ADAM20: variants seen among roughly 807,000 people sequenced by gnomAD.
ADAM20 encodes the protein disintegrin and metalloproteinase domain-containing protein 20.
For synonymous variants in ADAM20, 305 were observed against 310.2 expected (o/e 0.98, Z 0.18); for missense variants, 871 against 883.2 (o/e 0.99, Z 0.18).
At chr14:70,566,693 C>T in the ADAM20 span, among the ~76,000 whole-genome samples, 2 of 151,994 alleles carry the variant, frequency 1.3e-5, no homozygotes, top group African/African-American at 4.8e-5. Context: ...AAAAAGTAGG[C>T]GGGAGGCCGG....
upstream of ADAM20, among the ~76,000 whole-genome samples, chr14:70,536,402 G>A (rs137918758): frequency 8.9e-3 from 1,231 of 138,800 alleles, 20 homozygotes; most frequent in African/African-American, 0.031. Context: ...GGAGGCAGAG[G>A]TTGCGGTGAG....
chr14:70,539,884 T>C (rs1299494890), upstream of ADAM20, among the ~76,000 whole-genome samples: 7 of 152,198 alleles, frequency 4.6e-5, no homozygotes, highest in Non-Finnish European at 8.8e-5. Context: ...ATTCAGTGCA[T>C]TGGCAGCACC....
chr14:70,530,478 CATT>C (rs1310631103), intron 1 of ADAM20, among the ~76,000 whole-genome samples: 3 of 152,134 alleles, frequency 2.0e-5, no homozygotes, highest in African/African-American at 7.2e-5. Context: ...CTTTTATCAT[CATT>C]ATCAACTTTA....
Position 70,523,978 on chromosome 14 carries a change from C to A in ADAM20, c.780G>T (p.Trp260Cys), listed in dbSNP as rs374245271. 9.9e-6 allele frequency: 16 copies of A among 1,613,916 alleles called. No homozygotes were observed. Among genetic ancestry groups the A allele is most frequent in the Non-Finnish European group, 1.4e-5 (16 of 1,179,928 alleles). The change falls in exon 2 of 2, where the codon TGG becomes TGT. Residue 260 changes from tryptophan (W) to cysteine (C), a missense_variant. Physicochemically the swap from Trp to Cys is radical, Grantham distance 215. Coordinates refer to ENST00000256389, the MANE Select transcript of ADAM20 (RefSeq NM_003814.5). Reference protein sequence around the residue: ...VDVILTGIDIWTASNPLPTSG... With the variant: ...VDVILTGIDICTASNPLPTSG... Reference sequence around the variant, plus strand: ...TGGTAGGAAGTGGATTTGATGCAGTCCATATATCAATTCCAGTCAAAATTA... The same window carrying A: ...TGGTAGGAAGTGGATTTGATGCAGTACATATATCAATTCCAGTCAAAATTA...
rs779428789 is a variant in ADAM20, at chr14:70,522,731, G to A, written c.2027C>T (p.Pro676Leu). ...KGYGGSADSG[P>L]PPKNNMEGLN... ...TCCTTCCATGTTGTTCTTAGGAGGT[G>A]GGCCACTATCAGCACTACCTCCATA... Residue 676 changes from proline (P) to leucine (L), a missense_variant, in exon 2 of 2, where the codon CCA becomes CTA. Pro to Leu is a moderately conservative substitution (Grantham distance 98). Transcript: ENST00000256389. 2 of 1,613,986 alleles carry A rather than the reference G, an allele frequency of 1.2e-6. No homozygotes were observed. The highest frequency in any genetic ancestry group is 3.3e-5 in the Admixed American group (2 of 59,994).
the ADAM20 span, among the ~76,000 whole-genome samples, chr14:70,560,759 C>T: frequency 2.0e-5 from 3 of 152,162 alleles, no homozygotes; most frequent in Non-Finnish European, 2.9e-5. Context: ...AAAGTGCTTG[C>T]TTCCCCTTCA....
the ADAM20 span, among the ~76,000 whole-genome samples, chr14:70,568,478 G>C: frequency 2.6e-5 from 4 of 152,188 alleles, no homozygotes; most frequent in Non-Finnish European, 5.9e-5. Context: ...AAAAAGCCAG[G>C]ATGTCCTGAC....
At chr14:70,559,278 GAA>G in the ADAM20 span, among the ~76,000 whole-genome samples, 1 of 133,302 alleles carries the variant, frequency 7.5e-6, no homozygotes, top group Non-Finnish European at 1.6e-5. Context: ...AAGTTGCCTA[GAA>G]AAAAAAAAAA....
chr14:70,543,055 TGG>T, the ADAM20 span, among the ~76,000 whole-genome samples: 1 of 152,140 alleles, frequency 6.6e-6, no homozygotes, highest in East Asian at 1.9e-4. Flanking sequence ...TTAATAAAAA[TGG>T]GAAACTGGAG....
At chr14:70,535,375 C>T (rs1883810935), upstream of ADAM20, among the ~76,000 whole-genome samples, 1 of 152,114 alleles carries the variant, frequency 6.6e-6, no homozygotes, top group African/African-American at 2.4e-5. Context: ...AAGTTGAATA[C>T]ATAGATACGT....
the ADAM20 span, among the ~76,000 whole-genome samples, chr14:70,541,731 T>G: frequency 6.6e-6 from 1 of 152,206 alleles, no homozygotes; most frequent in African/African-American, 2.4e-5. Flanking sequence ...TATAAATATG[T>G]TATTGGTATG....
chr14:70,526,182 G>A (rs1220952822), intron 1 of ADAM20, among the ~76,000 whole-genome samples: 10 of 152,310 alleles, frequency 6.6e-5, no homozygotes, highest in Non-Finnish European at 8.8e-5. Context: ...ACTTAAAAAT[G>A]TTGTTAATGA....
At chr14:70,568,986 C>T in the ADAM20 span, among the ~76,000 whole-genome samples, 1 of 152,014 alleles carries the variant, frequency 6.6e-6, no homozygotes. Context: ...CACAACCGTT[C>T]CCAAGGTTAA....
upstream of ADAM20, among the ~76,000 whole-genome samples, chr14:70,537,398 G>T (rs117493834): frequency 1.2e-3 from 188 of 152,246 alleles, 2 homozygotes; most frequent in East Asian, 0.019. Context: ...CAGTCCAAGA[G>T]GCCCTTTGCT....
the ADAM20 span, among the ~76,000 whole-genome samples, chr14:70,563,133 T>A: frequency 6.6e-6 from 1 of 152,114 alleles, no homozygotes; most frequent in East Asian, 1.9e-4. Context: ...ACTGCTTGAG[T>A]CACATGACCA....
Position 70,524,191 on chromosome 14 carries a change from T to G in ADAM20, c.567A>C (p.Ser189=). ...KIAHQMELQL[S]YNFTLKQSSF... ...AACTTTGCTTCAGAGTGAAATTATATGACAATTGCAACTCCATCTGGTGTG... is the reference window on the plus strand; with the variant it reads ...AACTTTGCTTCAGAGTGAAATTATAGGACAATTGCAACTCCATCTGGTGTG... The change falls in exon 2 of 2, where the codon TCA becomes TCC. Residue 189 remains serine (S), a synonymous_variant. Coordinates refer to ENST00000256389, the MANE Select transcript of ADAM20 (RefSeq NM_003814.5). The G allele has an allele frequency of 6.2e-7, 1 of 1,613,926 alleles. No individual in the cohort carries two copies. The highest frequency in any genetic ancestry group is 1.1e-5 in the South Asian group (1 of 91,080).
the ADAM20 span, among the ~76,000 whole-genome samples, chr14:70,552,894 G>T: frequency 7.5e-5 from 2 of 26,766 alleles, no homozygotes; most frequent in African/African-American, 3.4e-4. Context: ...CAATAGCAAA[G>T]ACTTGGAACC....
intron 1 of ADAM20, 102 bp downstream of exon 1, chr14:70,534,695 A>G (rs932628409): frequency 3.3e-5 from 5 of 152,180 alleles, no homozygotes; most frequent in African/African-American, 1.2e-4. Flanking sequence ...TGTTCAATGG[A>G]TATATAATTT....
chr14:70,540,020 C>A, the ADAM20 span, among the ~76,000 whole-genome samples: 1 of 152,118 alleles, frequency 6.6e-6, no homozygotes, highest in Non-Finnish European at 1.5e-5. Context: ...GGGATGCTGG[C>A]CAGGTCCCGC....
Sources: gnomAD v4.1 joint callset for allele counts (sites outside exome capture counted in the v4.1 genomes callset) on GRCh38, gnomAD v4.1.1 for gene constraint, MANE v1.5 for transcripts, NCBI Gene and HGNC (gene_info 2026-07-23, HGNC 2026-07-21) for gene names.